The following FIG4 variants were observed in gnomAD, a reference collection of about 807,000 sequenced individuals.
FIG4 encodes the protein polyphosphoinositide phosphatase.
A neutral mutation model predicts 118.6 loss-of-function variants in FIG4; 112 were observed. The ratio of observed to expected loss-of-function variants is 0.94; its 90% CI spans 0.81 to 1.11. The LOEUF (loss-of-function observed/expected upper bound fraction) is 1.11. Ranked by LOEUF, FIG4 falls within the 50% of genes least tolerant of loss-of-function variation. The pLI, the probability that FIG4 is intolerant of heterozygous loss-of-function variation, is 0.00. For missense variants in FIG4, 969 were observed against 1,111.7 expected (o/e 0.87, Z 1.83); for synonymous variants, 369 against 381.2 (o/e 0.97, Z 0.37).
chr6:109,695,813 T>C (rs891848297), intron 1 of FIG4, among the ~76,000 whole-genome samples: 74 of 152,348 alleles, frequency 4.9e-4, no homozygotes, highest in African/African-American at 1.7e-3. Context: ...TATAGAAGGC[T>C]CTGCTCTTGT....
chr6:109,714,972 G>A, intron 1 of FIG4, 106 bp from the exon 2 acceptor site: 1 of 636,516 alleles, frequency 1.6e-6, no homozygotes, highest in Non-Finnish European at 2.8e-6. Flanking sequence ...TCTTTAAAAA[G>A]TAACCTGACT....
At chr6:109,727,783 A>G (rs1310377259) in intron 4 of FIG4, among the ~76,000 whole-genome samples, 1 of 152,218 alleles carries the variant, frequency 6.6e-6, no homozygotes, top group Non-Finnish European at 1.5e-5. Flanking sequence ...AAATATTGCT[A>G]AAAATATTTA....
intron 15 of FIG4, among the ~76,000 whole-genome samples, chr6:109,776,310 A>T (rs1226913269): frequency 2.6e-5 from 4 of 152,232 alleles, no homozygotes; most frequent in Non-Finnish European, 5.9e-5. Context: ...GGCTGTTACC[A>T]TGTGCCTTCT....
intron 3 of FIG4, among the ~76,000 whole-genome samples, chr6:109,720,507 G>A (rs535864268): frequency 6.6e-6 from 1 of 152,232 alleles, no homozygotes; most frequent in Admixed American, 6.5e-5. Flanking sequence ...TACTTCTCTA[G>A]GATCTGTAAT....
intron 1 of FIG4, among the ~76,000 whole-genome samples, chr6:109,706,651 CAGA>C (rs1775075451): frequency 6.6e-6 from 1 of 152,180 alleles, no homozygotes; most frequent in South Asian, 2.1e-4. Flanking sequence ...AAGTGAAGGA[CAGA>C]AAAGGAACTA....
intron 1 of FIG4, among the ~76,000 whole-genome samples, chr6:109,704,729 A>C (rs1391307080): frequency 6.6e-6 from 1 of 151,920 alleles, no homozygotes; most frequent in East Asian, 1.9e-4. Context: ...GAAGTCATGA[A>C]AAACAAAGCC....
chr6:109,822,766 T>C (rs1224853224), intron 22 of FIG4, among the ~76,000 whole-genome samples: 1 of 104,418 alleles, frequency 9.6e-6, no homozygotes, highest in African/African-American at 3.4e-5. Context: ...TTGAAGTGTA[T>C]ATATATGTGT....
chr6:109,770,634 C>T (rs1165929118), intron 15 of FIG4, among the ~76,000 whole-genome samples: 4 of 152,010 alleles, frequency 2.6e-5, no homozygotes, highest in Non-Finnish European at 5.9e-5. Context: ...GGTGGGGCCT[C>T]AGGGAACTTT....
At chr6:109,762,687 G>A (rs1396318467) in intron 12 of FIG4, among the ~76,000 whole-genome samples, 1 of 151,386 alleles carries the variant, frequency 6.6e-6, no homozygotes, top group African/African-American at 2.4e-5. Context: ...TTCAGTTAAT[G>A]TAGTTAACTA....
chr6:109,713,908 G>T (rs755015248), intron 1 of FIG4, among the ~76,000 whole-genome samples: 5 of 152,136 alleles, frequency 3.3e-5, no homozygotes, highest in African/African-American at 1.2e-4. Flanking sequence ...AGACCAAGGG[G>T]TGCTCAGGTT....
intron 5 of FIG4, among the ~76,000 whole-genome samples, chr6:109,733,795 A>G (rs1428552146): frequency 2.0e-5 from 3 of 152,008 alleles, no homozygotes; most frequent in Non-Finnish European, 4.4e-5. Context: ...TTTGTGAATT[A>G]TTATTGAAGC....
chr6:109,751,375 C>CT (rs1562661578), intron 10 of FIG4, among the ~76,000 whole-genome samples: 1 of 152,080 alleles, frequency 6.6e-6, no homozygotes, highest in African/African-American at 2.4e-5. Flanking sequence ...CTGAAATTTT[C>CT]TTTTTTTGTT....
At position 109,766,768 on chromosome 6, in the gene FIG4, A is replaced by G. The variant is rs1266372024; in HGVS notation, c.1623A>G (p.Leu541=). The change falls in exon 15 of 23, where the codon CTA becomes CTG. Residue 541 remains leucine, a synonymous_variant. Coordinates refer to ENST00000230124, the MANE Select transcript of FIG4 (RefSeq NM_014845.6). ...EELYEDHGDT[L]SLQYGGSQLV... ...TCTATGAAGATCATGGTGATACCCT[A>G]TCCCTTCAGTATGGTGGTTCTCAAC... 1 of 1,613,984 alleles carries G rather than the reference A, an allele frequency of 6.2e-7. No individual in the cohort carries two copies. The highest frequency in any genetic ancestry group is 1.1e-5 in the South Asian group (1 of 91,078).
chr6:109,822,787 G>GTGTATA (rs1554313769), intron 22 of FIG4, among the ~76,000 whole-genome samples: 5 of 120,430 alleles, frequency 4.2e-5, no homozygotes, highest in African/African-American at 1.3e-4. Flanking sequence ...GTGTGTGTAT[G>GTGTATA]TATATATATA....
chr6:109,766,937 G>A, intron 15 of FIG4, 42 bp downstream of exon 15: 2 of 1,549,726 alleles, frequency 1.3e-6, no homozygotes, highest in South Asian at 2.2e-5. Flanking sequence ...TTACTCTGAA[G>A]TGCATTTTTT....
At chr6:109,729,962 T>A (rs901496695) in intron 4 of FIG4, among the ~76,000 whole-genome samples, 3 of 152,134 alleles carry the variant, frequency 2.0e-5, no homozygotes, top group Admixed American at 1.3e-4. Flanking sequence ...AAAGATTTTT[T>A]AAATCTCTAC....
At chr6:109,815,642 C>T (rs923625373) in intron 22 of FIG4, among the ~76,000 whole-genome samples, 1 of 151,852 alleles carries the variant, frequency 6.6e-6, no homozygotes, top group Non-Finnish European at 1.5e-5. Context: ...AGGGGAAGAG[C>T]ACGGCTTTAT....
intron 1 of FIG4, among the ~76,000 whole-genome samples, chr6:109,707,261 A>T (rs1178157865): frequency 6.7e-5 from 10 of 148,802 alleles, no homozygotes; most frequent in Non-Finnish European, 1.3e-4. Flanking sequence ...GCCTTTATAA[A>T]CTGATGTGTG....
intron 4 of FIG4, among the ~76,000 whole-genome samples, chr6:109,730,692 A>G (rs897679644): frequency 5.3e-5 from 8 of 152,154 alleles, no homozygotes; most frequent in African/African-American, 1.9e-4. Flanking sequence ...AAAAGATGGG[A>G]TAAATAGTGT....
Sources: gnomAD v4.1 joint callset for allele counts (sites outside exome capture counted in the v4.1 genomes callset) on GRCh38, gnomAD v4.1.1 for gene constraint, MANE v1.5 for transcripts, NCBI Gene and HGNC (gene_info 2026-07-23, HGNC 2026-07-21) for gene names.